The following THAP5 variants were observed in gnomAD, a reference collection of about 807,000 sequenced individuals.
The protein encoded by THAP5 is THAP domain containing 5, also known as THAP domain-containing protein 5.
THAP5 carries 26 observed loss-of-function variants against 34.0 expected under a neutral mutation model. That is an observed-to-expected ratio of 0.77 (90% CI 0.56 to 1.06). The LOEUF is 1.06. Ranked by LOEUF, THAP5 falls within the 50% of genes least tolerant of loss-of-function variation. THAP5 has a pLI of 0.00. For missense variants in THAP5, 394 were observed against 452.8 expected (o/e 0.87, Z 1.18); for synonymous variants, 125 against 153.0 (o/e 0.82, Z 1.35).
At chr7:108,561,447 T>C (rs76288371), downstream of THAP5, among the ~76,000 whole-genome samples, 1 of 151,470 alleles carries the variant, frequency 6.6e-6, no homozygotes, top group Admixed American at 6.6e-5. Flanking sequence ...TTTTTTTTTT[T>C]TTCTAGAGAC....
downstream of THAP5, among the ~76,000 whole-genome samples, chr7:108,551,359 T>G (rs750976323): frequency 3.9e-5 from 6 of 152,186 alleles, no homozygotes; most frequent in Non-Finnish European, 8.8e-5. Flanking sequence ...TATAAGGGGC[T>G]TGCAAGAATG....
chr7:108,546,758 T>G, the THAP5 span, among the ~76,000 whole-genome samples: 2 of 152,190 alleles, frequency 1.3e-5, no homozygotes, highest in Non-Finnish European at 2.9e-5. Flanking sequence ...TTGTTGTCTA[T>G]TTTTTATTAA....
At chr7:108,549,122 ACACAC>A in the THAP5 span, among the ~76,000 whole-genome samples, 1 of 142,224 alleles carries the variant, frequency 7.0e-6, no homozygotes, top group Non-Finnish European at 1.5e-5. Flanking sequence ...ACACACACAC[ACACAC>A]AAGTACTTTT....
downstream of THAP5, among the ~76,000 whole-genome samples, chr7:108,552,460 T>C (rs1269096090): frequency 6.6e-6 from 1 of 152,200 alleles, no homozygotes; most frequent in Non-Finnish European, 1.5e-5. Flanking sequence ...AATGTTGTTG[T>C]GTTTGCTTCC....
rs997327620 is a variant in THAP5 at position 108,562,374 on chromosome 7, T to A, written c.*1817A>T. On this transcript the variant is annotated 3_prime_UTR_variant, in exon 3 of 3. Coordinates refer to ENST00000415914, the MANE Select transcript of THAP5 (RefSeq NM_001130475.3). ...CCATAATTTATGCAAAAATTTTAAG[T>A]TTTTCCCCCATCGTCACCTAAGACA... 1 of 152,164 alleles carries A rather than the reference T, an allele frequency of 6.6e-6. No homozygotes were observed. The highest frequency in any genetic ancestry group is 1.5e-5 in the Non-Finnish European group (1 of 68,028). The allele number at this position is 152,164 out of a possible 1,614,324, so 9.4% of individuals were successfully genotyped here. A position where few individuals can be genotyped will look rare whatever the true frequency, so the allele number is the denominator to read the frequency against.
chr7:108,555,209 T>TG (rs958008119), intron 1 of THAP5, among the ~76,000 whole-genome samples: 10 of 151,818 alleles, frequency 6.6e-5, no homozygotes, highest in Admixed American at 4.6e-4. Context: ...TTTGTTGCCC[T>TG]GGGGGAGTGC....
At chr7:108,566,196 A>C (rs935032197) in intron 1 of THAP5, among the ~76,000 whole-genome samples, 174 bp from the exon 2 acceptor site, 1 of 152,232 alleles carries the variant, frequency 6.6e-6, no homozygotes, top group Non-Finnish European at 1.5e-5. Flanking sequence ...TACCATTATC[A>C]TCTCTGCAGT....
chr7:108,545,865 T>C, the THAP5 span, among the ~76,000 whole-genome samples: 1 of 152,180 alleles, frequency 6.6e-6, no homozygotes, highest in African/African-American at 2.4e-5. Context: ...ATCTTAAATT[T>C]CTTTTCTCTC....
the THAP5 span, among the ~76,000 whole-genome samples, chr7:108,542,186 TTAGATA>T: frequency 2.0e-5 from 3 of 152,168 alleles, no homozygotes; most frequent in African/African-American, 4.8e-5. Flanking sequence ...ATATCTAGAT[TTAGATA>T]TAGATATATA....
At position 108,566,073 on chromosome 7, in the gene THAP5, T is replaced by C; in HGVS notation, c.81-51A>G. On this transcript the variant is annotated intron_variant, in intron 1 of 2. Transcript: ENST00000415914. The stretch of plus-strand genomic sequence containing the variant: ...AAAAGGAAAAACTTTGCTATATTTT[T>C]ACAATTTTGCCAAATTCCCACCCTA... 5 of 1,462,360 alleles carry C rather than the reference T, an allele frequency of 3.4e-6. No homozygotes were observed. In the South Asian group the frequency reaches 7.3e-5, roughly 21 times the overall value. The allele number at this position is 1,462,360 out of a possible 1,614,324, so 90.6% of individuals were successfully genotyped here.
the THAP5 span, among the ~76,000 whole-genome samples, chr7:108,542,996 G>A: frequency 6.6e-6 from 1 of 151,646 alleles, no homozygotes; most frequent in African/African-American, 2.4e-5. Flanking sequence ...GCACGATCTC[G>A]GCTCATTGGA....
At chr7:108,551,089 T>A (rs1456803266), downstream of THAP5, among the ~76,000 whole-genome samples, 5 of 152,248 alleles carry the variant, frequency 3.3e-5, no homozygotes, top group Non-Finnish European at 7.3e-5. Context: ...TTTTCAGAAA[T>A]GCAATATAGC....
At chr7:108,557,072 C>G (rs1030542314) in intron 1 of THAP5, among the ~76,000 whole-genome samples, 1 of 152,248 alleles carries the variant, frequency 6.6e-6, no homozygotes, top group Non-Finnish European at 1.5e-5. Flanking sequence ...TTAGCCACAG[C>G]TGGAGCTGGA....
downstream of THAP5, among the ~76,000 whole-genome samples, chr7:108,560,301 C>G (rs1391811996): frequency 2.0e-5 from 3 of 152,198 alleles, no homozygotes; most frequent in Admixed American, 6.5e-5. Context: ...AAAGCAGTTA[C>G]CTGCTTGCTC....
chr7:108,569,346 T>C (rs568791355), intron 1 of THAP5, 144 bp downstream of exon 1: 2 of 1,490,102 alleles, frequency 1.3e-6, no homozygotes, highest in East Asian at 4.9e-5. Context: ...ACTAGCGCCT[T>C]CCCTCCGTCT....
chr7:108,553,869 G>A (rs1864369292), downstream of THAP5, among the ~76,000 whole-genome samples: 1 of 152,122 alleles, frequency 6.6e-6, no homozygotes, highest in East Asian at 1.9e-4. Flanking sequence ...GAGTGACCAT[G>A]AAATAGAAAT....
At chr7:108,565,179 A>T in intron 2 of THAP5, 74 bp from the exon 3 acceptor site, 1 of 1,227,982 alleles carries the variant, frequency 8.1e-7, no homozygotes, top group African/African-American at 1.5e-5. Flanking sequence ...ATTTAATTAT[A>T]ATATTGAGTA....
At chr7:108,562,018 G>A (rs1175609707), downstream of THAP5, among the ~76,000 whole-genome samples, 2 of 152,292 alleles carry the variant, frequency 1.3e-5, no homozygotes, top group African/African-American at 2.4e-5. Context: ...TAACAGCTGA[G>A]CATCCCCAAT....
chr7:108,566,028 AT>A lies in THAP5; in HGVS notation c.81-7del, dbSNP rs780408429. On this transcript the variant is annotated splice_region_variant and splice_polypyrimidine_tract_variant and intron_variant, in intron 1 of 2. Coordinates refer to ENST00000415914, the MANE Select transcript of THAP5 (RefSeq NM_001130475.3). The stretch of plus-strand genomic sequence containing the variant: ...CTTTGTCATGTAGAGGAAATCTGGA[AT>A]TTAAAAAAAAAAGAAGAAAAAAGGA... 6.7e-7 allele frequency: 1 copy of A among 1,498,504 alleles called. No individual in the cohort carries two copies. Among genetic ancestry groups the A allele is most frequent in the Non-Finnish European group, 8.9e-7 (1 of 1,128,722 alleles). 92.8% of individuals were successfully genotyped at this position (1,498,504 alleles called of 1,614,324 possible). A position where few individuals can be genotyped will look rare whatever the true frequency, so the allele number is the denominator to read the frequency against.
Sources: gnomAD v4.1 joint callset for allele counts (sites outside exome capture counted in the v4.1 genomes callset) on GRCh38, gnomAD v4.1.1 for gene constraint, MANE v1.5 for transcripts, NCBI Gene and HGNC (gene_info 2026-07-23, HGNC 2026-07-21) for gene names.